VPS13B: variants seen among roughly 807,000 people sequenced by gnomAD.
VPS13B encodes the protein vacuolar protein sorting 13 homolog B, also known as intermembrane lipid transfer protein VPS13B.
Under a neutral mutation model 426.4 loss-of-function variants are expected in VPS13B, and 285 were observed. The ratio of observed to expected loss-of-function variants is 0.67; its 90% CI spans 0.61 to 0.74. The LOEUF (loss-of-function observed/expected upper bound fraction) is 0.74, where lower values mean the gene tolerates loss of function less well. Ranked by LOEUF, VPS13B falls within the 30% of genes least tolerant of loss-of-function variation. The pLI, the probability that VPS13B is intolerant of heterozygous loss-of-function variation, is 0.00. For missense variants in VPS13B, 4,537 were observed against 4,782.6 expected (o/e 0.95, Z 1.51); for synonymous variants, 1,676 against 1,676.4 (o/e 1.00, Z 0.01).
intron 56 of VPS13B, 121 bp from the exon 57 acceptor site, chr8:99,859,183 A>G (rs1816703678): frequency 1.6e-6 from 2 of 1,220,132 alleles, no homozygotes; most frequent in Non-Finnish European, 2.4e-6. Context: ...CCAAAGAAAC[A>G]GATTACTTTC....
At chr8:99,079,168 G>GCCCCAGAT (rs1845303056) in intron 3 of VPS13B, among the ~76,000 whole-genome samples, 1 of 152,080 alleles carries the variant, frequency 6.6e-6, no homozygotes, top group African/African-American at 2.4e-5. Context: ...TGATCCCCAG[G>GCCCCAGAT]CCCCAGATGG....
At chr8:99,475,160 T>C (rs1323330908) in intron 24 of VPS13B, among the ~76,000 whole-genome samples, 3 of 152,144 alleles carry the variant, frequency 2.0e-5, no homozygotes, top group African/African-American at 7.2e-5. Context: ...TATTAATATA[T>C]AGTGATAGAA....
chr8:99,540,958 T>A (rs771029766), intron 30 of VPS13B, among the ~76,000 whole-genome samples: 22 of 152,178 alleles, frequency 1.4e-4, no homozygotes, highest in Admixed American at 2.6e-4. Context: ...GCACAAATAC[T>A]AAGATTAAAT....
At chr8:99,523,832 TC>T (rs780683455) in intron 30 of VPS13B, among the ~76,000 whole-genome samples, 2 of 152,078 alleles carry the variant, frequency 1.3e-5, no homozygotes, top group Admixed American at 6.6e-5. Flanking sequence ...TGCCCAGACA[TC>T]GATGAACATT....
At chr8:99,814,592 A>T (rs1277440526) in intron 44 of VPS13B, among the ~76,000 whole-genome samples, 1 of 152,154 alleles carries the variant, frequency 6.6e-6, no homozygotes, top group African/African-American at 2.4e-5. Flanking sequence ...TTACCTTCTC[A>T]TATTATTAGC....
At chr8:99,714,593 T>G (rs933036338) in intron 36 of VPS13B, among the ~76,000 whole-genome samples, 2 of 152,206 alleles carry the variant, frequency 1.3e-5, no homozygotes, top group African/African-American at 2.4e-5. Context: ...GACACCACTT[T>G]AGCCATATGA....
intron 6 of VPS13B, among the ~76,000 whole-genome samples, chr8:99,115,401 C>G (rs1303349432): frequency 6.6e-6 from 1 of 151,836 alleles, no homozygotes. Context: ...ATATAACTAA[C>G]TTTGTTTCTG....
intron 33 of VPS13B, among the ~76,000 whole-genome samples, chr8:99,640,893 G>A (rs1829332131): frequency 6.6e-6 from 1 of 152,114 alleles, no homozygotes; most frequent in African/African-American, 2.4e-5. Context: ...TGATAAGATG[G>A]GGTGGGGTAG....
intron 3 of VPS13B, among the ~76,000 whole-genome samples, chr8:99,056,070 T>G (rs567443140): frequency 8.1e-4 from 123 of 151,932 alleles, no homozygotes; most frequent in Middle Eastern, 3.4e-3. Flanking sequence ...TTGTTTGTTT[T>G]TTTTGAGACA....
intron 19 of VPS13B, among the ~76,000 whole-genome samples, chr8:99,330,763 C>T (rs1042365011): frequency 2.2e-4 from 34 of 151,830 alleles, no homozygotes; most frequent in African/African-American, 5.8e-4. Context: ...TCAACCAGAA[C>T]GGAAACTATC....
intron 51 of VPS13B, among the ~76,000 whole-genome samples, chr8:99,831,725 C>T (rs934926193): frequency 6.6e-6 from 1 of 152,102 alleles, no homozygotes; most frequent in Non-Finnish European, 1.5e-5. Flanking sequence ...ATTTACATAG[C>T]ATTTACATGT....
At chr8:99,078,108 G>A (rs1845238247) in intron 3 of VPS13B, among the ~76,000 whole-genome samples, 1 of 151,132 alleles carries the variant, frequency 6.6e-6, no homozygotes, top group African/African-American at 2.4e-5. Flanking sequence ...TTATTTATGT[G>A]TTTTCTCCTG....
intron 19 of VPS13B, among the ~76,000 whole-genome samples, chr8:99,363,336 T>C (rs1387905013): frequency 6.6e-6 from 1 of 152,134 alleles, no homozygotes; most frequent in Admixed American, 6.6e-5. Context: ...TGGATTTGTT[T>C]CCTGTTTTTA....
intron 29 of VPS13B, among the ~76,000 whole-genome samples, chr8:99,511,713 G>A (rs185137371): frequency 2.0e-3 from 308 of 152,256 alleles, no homozygotes; most frequent in Middle Eastern, 0.01. Context: ...ATCTGACTTC[G>A]TTAGTAGGAT....
At chr8:99,603,959 A>G (rs960115360) in intron 33 of VPS13B, among the ~76,000 whole-genome samples, 4 of 152,324 alleles carry the variant, frequency 2.6e-5, no homozygotes, top group Admixed American at 1.3e-4. Flanking sequence ...CCTAGTAAAT[A>G]TAAATCAAAA....
At chr8:99,389,548 TTAAAG>T (rs2133307535) in intron 20 of VPS13B, 1 of 152,022 alleles carries the variant, frequency 6.6e-6, no homozygotes, top group Admixed American at 6.5e-5. Flanking sequence ...TATTCTTACA[TTAAAG>T]TAGATAAAAG....
At chr8:99,050,817 C>A (rs150598835) in intron 3 of VPS13B, among the ~76,000 whole-genome samples, 157 of 152,326 alleles carry the variant, frequency 1.0e-3, no homozygotes, top group African/African-American at 3.5e-3. Flanking sequence ...TGTCTTTTGG[C>A]TGCATTAATG....
intron 2 of VPS13B, among the ~76,000 whole-genome samples, chr8:99,015,385 T>A (rs1025616808): frequency 5.3e-5 from 8 of 151,046 alleles, no homozygotes; most frequent in African/African-American, 2.4e-5. Flanking sequence ...CCTGGCTAAT[T>A]TTTTGTATTT....
At chr8:99,592,216 T>C (rs1252084296) in intron 33 of VPS13B, among the ~76,000 whole-genome samples, 1 of 152,096 alleles carries the variant, frequency 6.6e-6, no homozygotes, top group Non-Finnish European at 1.5e-5. Context: ...GCCATTCATC[T>C]AATCTTTTTT....
Sources: gnomAD v4.1 joint callset for allele counts (sites outside exome capture counted in the v4.1 genomes callset) on GRCh38, gnomAD v4.1.1 for gene constraint, MANE v1.5 for transcripts, NCBI Gene and HGNC (gene_info 2026-07-23, HGNC 2026-07-21) for gene names.